TBCE: variants seen among roughly 807,000 people sequenced by gnomAD.
TBCE encodes the protein tubulin-specific chaperone E.
TBCE carries 53 observed loss-of-function variants against 77.0 expected under a neutral mutation model. The ratio of observed to expected loss-of-function variants is 0.69; its 90% CI spans 0.55 to 0.87. TBCE has a LOEUF of 0.87. Among genes scored for constraint, TBCE ranks in the 40% least tolerant of loss-of-function variants. TBCE has a pLI of 0.00. For synonymous variants in TBCE, 235 were observed against 241.3 expected (o/e 0.97, Z 0.24); for missense variants, 624 against 622.4 (o/e 1.00, Z -0.03).
intron 2 of TBCE, among the ~76,000 whole-genome samples, chr1:235,387,183 C>T (rs1233250109): frequency 2.6e-5 from 4 of 152,270 alleles, no homozygotes; most frequent in Admixed American, 2.0e-4. Flanking sequence ...AGTACCCGGC[C>T]GTGTGAGGTG....
chr1:235,448,321 C>T lies in TBCE; in HGVS notation c.1400-28C>T, dbSNP rs371894476. The T allele has an allele frequency of 2.3e-5, 37 of 1,599,610 alleles. No individual in the cohort carries two copies. The African/African-American group carries it at 2.4e-4, about 10-fold the overall frequency. On this transcript the variant is annotated intron_variant, in intron 15 of 16. Coordinates refer to ENST00000642610, the MANE Select transcript of TBCE (RefSeq NM_003193.5). The stretch of plus-strand genomic sequence containing the variant: ...TACAGGTAACTGTCATTTGAGAGAA[C>T]GAATGGACTTTTCTTGTCTTTTGAT...
chr1:235,368,029 C>G (rs988282317), intron 1 of TBCE, among the ~76,000 whole-genome samples: 1 of 152,158 alleles, frequency 6.6e-6, no homozygotes, highest in Admixed American at 6.6e-5. Flanking sequence ...CCTCAGCCTC[C>G]CGAGTAGCTG....
intron 2 of TBCE, among the ~76,000 whole-genome samples, chr1:235,396,954 GTTTATTTA>G (rs143979836): frequency 1.6e-4 from 24 of 148,460 alleles, no homozygotes; most frequent in Non-Finnish European, 2.5e-4. Flanking sequence ...TTTGTTGATT[GTTTATTTA>G]TTTATTTATT....
intron 2 of TBCE, among the ~76,000 whole-genome samples, chr1:235,393,082 A>C (rs1235405045): frequency 1.3e-5 from 2 of 152,188 alleles, no homozygotes; most frequent in Non-Finnish European, 2.9e-5. Context: ...CTTCCCATAT[A>C]GAGAAAAATC....
chr1:235,416,396 C>T (rs1165114880), intron 4 of TBCE, among the ~76,000 whole-genome samples: 1 of 151,818 alleles, frequency 6.6e-6, no homozygotes, highest in South Asian at 2.1e-4. Context: ...TGTAGTGGTG[C>T]GTGCCTATAG....
At chr1:235,442,358 TG>T in intron 14 of TBCE, among the ~76,000 whole-genome samples, 1 of 152,252 alleles carries the variant, frequency 6.6e-6, no homozygotes, top group East Asian at 1.9e-4. Context: ...TTAGTAGAGA[TG>T]GGGTTTCACC....
In TBCE at chr1:235,448,939, T is replaced by C. The variant is rs886046153; in HGVS notation, c.*177T>C. 5 of 574,662 alleles carry C rather than the reference T, an allele frequency of 8.7e-6. No individual in the cohort carries two copies. The East Asian group carries it at 1.3e-4, about 15-fold the overall frequency. 35.6% of individuals were successfully genotyped at this position (574,662 alleles called of 1,614,324 possible). A position where few individuals can be genotyped will look rare whatever the true frequency, so the allele number is the denominator to read the frequency against. On this transcript the variant is annotated 3_prime_UTR_variant, in exon 17 of 17. Coordinates refer to ENST00000642610, the MANE Select transcript of TBCE (RefSeq NM_003193.5). ...TGACCATTTCTAGGCTTATACATAA[T>C]AGCAATAATAAAGGCTTTGAACCTA...
chr1:235,409,891 G>A (rs188572413), intron 3 of TBCE, among the ~76,000 whole-genome samples: 83 of 87,350 alleles, frequency 9.5e-4, no homozygotes, highest in African/African-American at 4.5e-3. Context: ...TTAGCCAGGC[G>A]TGGTGGCGGG....
At chr1:235,381,744 T>G (rs1677667538) in intron 2 of TBCE, among the ~76,000 whole-genome samples, 1 of 150,884 alleles carries the variant, frequency 6.6e-6, no homozygotes, top group Admixed American at 6.6e-5. Flanking sequence ...TTGGCCTGAT[T>G]ATTTGTATAA....
chr1:235,393,396 G>A (rs1416957319), intron 2 of TBCE, among the ~76,000 whole-genome samples: 1 of 152,140 alleles, frequency 6.6e-6, no homozygotes, highest in African/African-American at 2.4e-5. Context: ...CAATTAGCCT[G>A]GTGTGGTGGC....
intron 1 of TBCE, among the ~76,000 whole-genome samples, chr1:235,372,112 C>A (rs970407940): frequency 1.3e-5 from 2 of 152,168 alleles, no homozygotes; most frequent in Non-Finnish European, 2.9e-5. Context: ...CTCCCAAATA[C>A]ATTGGCCTAT....
chr1:235,369,315 T>C (rs1676752063), intron 1 of TBCE, among the ~76,000 whole-genome samples: 1 of 150,492 alleles, frequency 6.6e-6, no homozygotes, highest in Admixed American at 6.6e-5. Flanking sequence ...GAGACCATCC[T>C]GGCCAACATG....
chr1:235,448,794 G>A lies in TBCE; in HGVS notation c.*32G>A. The A allele has an allele frequency of 7.0e-7, 1 of 1,437,796 alleles. No individual in the cohort carries two copies. The highest frequency in any genetic ancestry group is 9.8e-7 in the Non-Finnish European group (1 of 1,021,032). The allele number at this position is 1,437,796 out of a possible 1,614,324, so 89.1% of individuals were successfully genotyped here. ...ACTAATAAAATTTAAAGACCACACTGCTTATCGTGTCTGGGGTTCACCGGA... is the reference window on the plus strand; with the variant it reads ...ACTAATAAAATTTAAAGACCACACTACTTATCGTGTCTGGGGTTCACCGGA... On this transcript the variant is annotated 3_prime_UTR_variant, in exon 17 of 17. Coordinates refer to ENST00000642610, the MANE Select transcript of TBCE (RefSeq NM_003193.5).
intron 2 of TBCE, among the ~76,000 whole-genome samples, chr1:235,392,082 G>A (rs1678420763): frequency 1.3e-5 from 2 of 152,128 alleles, no homozygotes; most frequent in South Asian, 4.1e-4. Flanking sequence ...AGCACTTTGG[G>A]AGGCTGAAGA....
chr1:235,433,936 C>T, intron 7 of TBCE: 2 of 530,648 alleles, frequency 3.8e-6, no homozygotes, highest in Non-Finnish European at 6.8e-6. Flanking sequence ...CTCGTAGCTG[C>T]TTTACCTAAA....
At chr1:235,428,957 A>G (rs1425312754) in intron 6 of TBCE, among the ~76,000 whole-genome samples, 1 of 138,064 alleles carries the variant, frequency 7.2e-6, no homozygotes, top group East Asian at 2.1e-4. Flanking sequence ...ATGTATGTAT[A>G]TATGTATGTG....
chr1:235,434,584 G>T (rs1273214695), intron 8 of TBCE, among the ~76,000 whole-genome samples: 1 of 150,210 alleles, frequency 6.7e-6, no homozygotes, highest in Non-Finnish European at 1.5e-5. Flanking sequence ...TGTCGCCCAG[G>T]CTGGAGTGCA....
intron 4 of TBCE, 44 bp from the exon 5 acceptor site, chr1:235,419,429 G>C: frequency 6.2e-7 from 1 of 1,613,858 alleles, no homozygotes. Flanking sequence ...CCAGTGGATA[G>C]CATACGTGCT....
chr1:235,446,787 T>A (rs1404584008), intron 15 of TBCE, among the ~76,000 whole-genome samples: 1 of 150,836 alleles, frequency 6.6e-6, no homozygotes, highest in Non-Finnish European at 1.5e-5. Flanking sequence ...AGCCTTGACC[T>A]CCTGGGCTCA....
Sources: gnomAD v4.1 joint callset for allele counts (sites outside exome capture counted in the v4.1 genomes callset) on GRCh38, gnomAD v4.1.1 for gene constraint, MANE v1.5 for transcripts, NCBI Gene and HGNC (gene_info 2026-07-23, HGNC 2026-07-21) for gene names.